The following FBXO25 variants were observed in gnomAD, a reference collection of about 807,000 sequenced individuals.
FBXO25 encodes the protein F-box protein 25.
Under a neutral mutation model 51.9 loss-of-function variants are expected in FBXO25, and 45 were observed. The ratio of observed to expected loss-of-function variants is 0.87; its 90% CI spans 0.68 to 1.11. The LOEUF (loss-of-function observed/expected upper bound fraction) is 1.11, where lower values mean the gene tolerates loss of function less well. Among genes scored for constraint, FBXO25 ranks in the 50% most tolerant of loss-of-function variants. The pLI is 0.00. For missense variants in FBXO25, 507 were observed against 428.5 expected, an observed-to-expected ratio of 1.18 and a Z score of -1.62; for synonymous variants, 199 against 151.0, an observed-to-expected ratio of 1.32 and a Z score of -2.33.
At chr8:415,353 G>C (rs1230125014) in intron 2 of FBXO25, among the ~76,000 whole-genome samples, 11 of 152,148 alleles carry the variant, frequency 7.2e-5, no homozygotes, top group Non-Finnish European at 1.6e-4. Context: ...ATTCAACATG[G>C]TTGATCTGGG....
intron 2 of FBXO25, among the ~76,000 whole-genome samples, chr8:430,752 T>A (rs1797776304): frequency 6.6e-6 from 1 of 152,268 alleles, no homozygotes; most frequent in Non-Finnish European, 1.5e-5. Context: ...GCCTTATGAT[T>A]TGATTTTCTT....
intron 2 of FBXO25, among the ~76,000 whole-genome samples, chr8:428,034 C>G (rs530903248): frequency 6.6e-6 from 1 of 152,122 alleles, no homozygotes; most frequent in Non-Finnish European, 1.5e-5. Context: ...TAGGTCATCA[C>G]TAAAATGAGG....
intron 9 of FBXO25, among the ~76,000 whole-genome samples, chr8:465,761 A>C (rs1471749989): frequency 2.0e-5 from 3 of 152,220 alleles, no homozygotes; most frequent in African/African-American, 4.8e-5. Context: ...GTCACTGCTC[A>C]AAAGTTTGGG....
intron 8 of FBXO25, among the ~76,000 whole-genome samples, chr8:461,443 GC>G (rs1444289900): frequency 1.3e-5 from 2 of 152,212 alleles, no homozygotes; most frequent in African/African-American, 4.8e-5. Context: ...GAGAGCATGT[GC>G]AGGGGAACTG....
chr8:453,464 C>A (rs189594766), intron 7 of FBXO25, among the ~76,000 whole-genome samples: 1 of 152,068 alleles, frequency 6.6e-6, no homozygotes, highest in Non-Finnish European at 1.5e-5. Context: ...GGAGTTTTAC[C>A]TTTCTGGGAA....
intron 8 of FBXO25, among the ~76,000 whole-genome samples, chr8:459,564 G>C (rs1385648713): frequency 6.6e-6 from 1 of 152,214 alleles, no homozygotes; most frequent in African/African-American, 2.4e-5. Flanking sequence ...GGATCCATGA[G>C]GATCCTGCCT....
chr8:438,176 T>A (rs2117684381), intron 5 of FBXO25, among the ~76,000 whole-genome samples: 1 of 152,148 alleles, frequency 6.6e-6, no homozygotes, highest in East Asian at 1.9e-4. Context: ...TGCCTCAGCC[T>A]CCTGAGTAGC....
chr8:468,635 G>A (rs1800345277), intron 9 of FBXO25, 80 bp from the exon 10 acceptor site: 1 of 1,083,122 alleles, frequency 9.2e-7, no homozygotes, highest in Non-Finnish European at 1.4e-6. Context: ...TCAACAAGCA[G>A]CTGACGACCC....
Position 454,734 on chromosome 8 carries a change from A to C in FBXO25, c.660+3281A>C, listed in dbSNP as rs191538905. Among the ~76,000 whole-genome samples, 49 of 152,088 alleles carry C rather than the reference A, an allele frequency of 3.2e-4. No homozygotes were observed. The East Asian group carries it at 8.7e-3, about 27-fold the overall frequency. Reference sequence around the variant, plus strand: ...GTGAAATCCCATCTCTACTAAAAATACAAAAAATTAGCCGGGCGTGGTGGG... The same window carrying C: ...GTGAAATCCCATCTCTACTAAAAATCCAAAAAATTAGCCGGGCGTGGTGGG... On this transcript the variant is annotated intron_variant, in intron 7 of 9. Coordinates refer to ENST00000350302, the MANE Select transcript of FBXO25 (RefSeq NM_183420.2).
intron 2 of FBXO25, among the ~76,000 whole-genome samples, chr8:419,728 A>T (rs1797036650): frequency 6.6e-6 from 1 of 152,226 alleles, no homozygotes; most frequent in African/African-American, 2.4e-5. Flanking sequence ...ACCCAAAGGA[A>T]AGTCTGCATG....
At position 476,743 on chromosome 8, in the gene FBXO25, C is replaced by T. The variant is rs932586891; in HGVS notation, c.*7939C>T. The T allele has an allele frequency of 6.6e-6, 1 of 152,124 alleles. No individual in the cohort carries two copies. Among genetic ancestry groups the T allele is most frequent in the African/African-American group, 2.4e-5 (1 of 41,442 alleles). The allele number at this position is 152,124 out of a possible 1,614,324, so 9.4% of individuals were successfully genotyped here. On this transcript the variant is annotated 3_prime_UTR_variant, in exon 10 of 10. Transcript: ENST00000350302. ...TTTCTTAGTCACTCTTAGCTATCAA[C>T]AAACTCTTGGTTTCATTTATTTTTC...
chr8:468,180 G>A lies in FBXO25; in HGVS notation c.988-535G>A, dbSNP rs751026490. 138 of 1,015,918 alleles carry A rather than the reference G, an allele frequency of 1.4e-4. 1 individual carries two copies. Among genetic ancestry groups the A allele is most frequent in the Non-Finnish European group, 1.6e-4 (133 of 850,480 alleles). 62.9% of individuals were successfully genotyped at this position (1,015,918 alleles called of 1,614,324 possible). A position where few individuals can be genotyped will look rare whatever the true frequency, so the allele number is the denominator to read the frequency against. ...ATTAAATATAATTCTGGATCCTTAG[G>A]TATGTGAGCATGGCCAGCTCCCTTG... On this transcript the variant is annotated intron_variant, in intron 9 of 9. Coordinates refer to ENST00000350302, the MANE Select transcript of FBXO25 (RefSeq NM_183420.2).
rs1454864847 is a variant in FBXO25 at position 473,774 on chromosome 8, A to T, written c.*4970A>T. On this transcript the variant is annotated 3_prime_UTR_variant, in exon 10 of 10. Coordinates refer to ENST00000350302, the MANE Select transcript of FBXO25 (RefSeq NM_183420.2). ...AAGGGAGAGCAAAAAAAATGAGGAC[A>T]TCTGTGTCAAATAGAAGAGACACCT... The T allele has an allele frequency of 6.6e-6, 1 of 152,172 alleles. No homozygotes were observed. 9.4% of individuals were successfully genotyped at this position (152,172 alleles called of 1,614,324 possible).
At chr8:462,003 G>A (rs974970823) in intron 8 of FBXO25, among the ~76,000 whole-genome samples, 2 of 151,766 alleles carry the variant, frequency 1.3e-5, no homozygotes, top group African/African-American at 4.8e-5. Context: ...CATTTCTCTT[G>A]GTTATAAACC....
intron 2 of FBXO25, among the ~76,000 whole-genome samples, chr8:424,898 G>A (rs1371955477): frequency 2.6e-5 from 4 of 152,096 alleles, no homozygotes; most frequent in Non-Finnish European, 2.9e-5. Flanking sequence ...GTTCTTAAAT[G>A]CATTTTATAA....
chr8:411,815 C>G (rs1252857962), intron 1 of FBXO25, among the ~76,000 whole-genome samples: 1 of 152,118 alleles, frequency 6.6e-6, no homozygotes, highest in Non-Finnish European at 1.5e-5. Context: ...TGGGATGTGA[C>G]ATTTTGAATC....
intron 3 of FBXO25, 115 bp downstream of exon 3, chr8:431,559 C>A: frequency 3.6e-6 from 2 of 551,420 alleles, no homozygotes; most frequent in Non-Finnish European, 6.3e-6. Flanking sequence ...AATAACAGCC[C>A]AGTATCCAGC....
chr8:428,251 C>T (rs1797610567), intron 2 of FBXO25, among the ~76,000 whole-genome samples: 1 of 152,084 alleles, frequency 6.6e-6, no homozygotes, highest in South Asian at 2.1e-4. Context: ...GGCACATTTG[C>T]TAGCAAGGGG....
intron 6 of FBXO25, 134 bp from the exon 7 acceptor site, chr8:451,135 A>G: frequency 1.5e-6 from 1 of 670,776 alleles, no homozygotes; most frequent in South Asian, 2.3e-5. Flanking sequence ...GCTGAATAAT[A>G]TTCTATTGCA....
Sources: allele counts gnomAD v4.1 joint callset (sites outside exome capture counted in the v4.1 genomes callset), GRCh38; gene constraint gnomAD v4.1.1; transcripts MANE v1.5; gene names NCBI Gene and HGNC (gene_info 2026-07-23, HGNC 2026-07-21).